Variants in FSTL5 observed in about 807,000 individuals in gnomAD.
The protein encoded by FSTL5 is follistatin like 5.
A neutral mutation model predicts 89.1 loss-of-function variants in FSTL5; 62 were observed. The ratio of observed to expected loss-of-function variants is 0.70; its 90% CI spans 0.57 to 0.86. The LOEUF (loss-of-function observed/expected upper bound fraction) is 0.86, where lower values mean the gene tolerates loss of function less well. Among genes scored for constraint, FSTL5 ranks in the 40% least tolerant of loss-of-function variants. FSTL5 has a pLI of 0.00. For missense variants in FSTL5, 1,057 were observed against 1,001.6 expected (o/e 1.06, Z -0.75); for synonymous variants, 383 against 346.2 (o/e 1.11, Z -1.18).
intron 4 of FSTL5, among the ~76,000 whole-genome samples, chr4:161,849,292 C>T (rs781151169): frequency 9.9e-5 from 15 of 152,152 alleles, no homozygotes; most frequent in Non-Finnish European, 2.1e-4. Flanking sequence ...CCTCCTTGCA[C>T]ATCCTGTGGT....
intron 3 of FSTL5, among the ~76,000 whole-genome samples, chr4:161,990,791 A>G (rs1261282395): frequency 1.3e-5 from 2 of 152,188 alleles, no homozygotes; most frequent in Non-Finnish European, 2.9e-5. Context: ...ATAGATTGAA[A>G]CAGCTCACTC....
chr4:162,124,027 T>G (rs1324607907), intron 1 of FSTL5, among the ~76,000 whole-genome samples: 1 of 152,146 alleles, frequency 6.6e-6, no homozygotes, highest in African/African-American at 2.4e-5. Flanking sequence ...TACACTAATC[T>G]AGGTAGAGTA....
chr4:161,483,149 T>A (rs908438446), intron 12 of FSTL5, among the ~76,000 whole-genome samples: 1 of 152,110 alleles, frequency 6.6e-6, no homozygotes, highest in African/African-American at 2.4e-5. Context: ...ATTCACCAAT[T>A]CCTACTGACA....
chr4:161,679,219 T>C (rs1479004488), intron 6 of FSTL5, among the ~76,000 whole-genome samples: 1 of 151,704 alleles, frequency 6.6e-6, no homozygotes, highest in African/African-American at 2.4e-5. Flanking sequence ...TGCAAAAGCA[T>C]TGGAAATTAA....
intron 8 of FSTL5, among the ~76,000 whole-genome samples, chr4:161,562,420 C>T (rs1578926893): frequency 6.6e-6 from 1 of 151,890 alleles, no homozygotes; most frequent in African/African-American, 2.4e-5. Flanking sequence ...GGGAGTATTG[C>T]CATCTTAATA....
intron 7 of FSTL5, among the ~76,000 whole-genome samples, chr4:161,621,307 A>C (rs997827774): frequency 1.9e-3 from 236 of 126,744 alleles, no homozygotes; most frequent in South Asian, 0.015. Context: ...CACACACACA[A>C]ACACAAAATT....
chr4:162,121,414 T>G lies in FSTL5; in HGVS notation c.-16-10002A>C, dbSNP rs543038304. 1.3e-4 allele frequency among the ~76,000 whole-genome samples: 20 copies of G among 152,140 alleles called. 1 individual carries two copies. The highest frequency in any genetic ancestry group is 1.0e-3 in the South Asian group (5 of 4,828). On this transcript the variant is annotated intron_variant, in intron 1 of 15. Coordinates refer to ENST00000306100, the MANE Select transcript of FSTL5 (RefSeq NM_020116.5). ...CCTGGACTGCATTGTAATATATTCA[T>G]GATTCAATAGTGAAAAGGTGCATTA... is the stretch of plus-strand genomic sequence containing the variant.
chr4:161,934,208 C>T (rs746984590), intron 3 of FSTL5, among the ~76,000 whole-genome samples: 3 of 152,094 alleles, frequency 2.0e-5, no homozygotes, highest in Non-Finnish European at 4.4e-5. Flanking sequence ...TTAACCATCA[C>T]ATTATTCTGC....
intron 4 of FSTL5, among the ~76,000 whole-genome samples, chr4:161,849,657 A>T (rs1731490615): frequency 6.6e-6 from 1 of 151,970 alleles, no homozygotes; most frequent in Non-Finnish European, 1.5e-5. Flanking sequence ...TCGACATGTG[A>T]AGATTAGATA....
chr4:161,473,158 T>C (rs946619273), intron 13 of FSTL5, among the ~76,000 whole-genome samples: 24 of 152,200 alleles, frequency 1.6e-4, no homozygotes, highest in African/African-American at 2.9e-4. Context: ...TGTATTTGTC[T>C]GTTAGATCTG....
chr4:161,482,085 C>T (rs796377849), intron 12 of FSTL5, among the ~76,000 whole-genome samples: 5 of 152,128 alleles, frequency 3.3e-5, no homozygotes, highest in African/African-American at 7.2e-5. Context: ...CTTTGGGAGG[C>T]CAAGGCAGAT....
chr4:161,660,803 C>A (rs539468589), intron 6 of FSTL5, among the ~76,000 whole-genome samples: 11 of 152,224 alleles, frequency 7.2e-5, no homozygotes, highest in South Asian at 6.2e-4. Context: ...AGAACATGAT[C>A]TTGTTCTTTT....
At chr4:162,146,901 C>T (rs150102884) in intron 1 of FSTL5, among the ~76,000 whole-genome samples, 5,690 of 152,058 alleles carry the variant, frequency 0.037, 129 homozygotes, top group Admixed American at 0.049. Context: ...CCTGCCTCAG[C>T]CTCCCAAGTA....
chr4:162,085,194 A>T (rs957169480), intron 2 of FSTL5, among the ~76,000 whole-genome samples: 1 of 152,032 alleles, frequency 6.6e-6, no homozygotes, highest in East Asian at 1.9e-4. Context: ...TATTTACTAA[A>T]ATCTTTTGAG....
intron 6 of FSTL5, among the ~76,000 whole-genome samples, chr4:161,717,838 A>G (rs1357559640): frequency 6.6e-6 from 1 of 152,210 alleles, no homozygotes; most frequent in Non-Finnish European, 1.5e-5. Context: ...AATCAATGAC[A>G]TAATATTTAC....
intron 13 of FSTL5, among the ~76,000 whole-genome samples, chr4:161,472,483 C>T (rs1230219407): frequency 6.6e-6 from 1 of 151,748 alleles, no homozygotes; most frequent in East Asian, 1.9e-4. Context: ...AAGTATTTAT[C>T]ATTCTAAATT....
chr4:162,004,771 T>C (rs929670670), intron 3 of FSTL5, among the ~76,000 whole-genome samples: 1 of 152,182 alleles, frequency 6.6e-6, no homozygotes, highest in Non-Finnish European at 1.5e-5. Context: ...TGTTACACTA[T>C]AAAATAACCT....
intron 2 of FSTL5, among the ~76,000 whole-genome samples, chr4:162,059,534 T>C (rs891365399): frequency 1.3e-5 from 2 of 152,174 alleles, no homozygotes; most frequent in Admixed American, 6.5e-5. Context: ...ATCAAAACTA[T>C]GTAATATCAT....
At chr4:161,595,570 A>G (rs558651384) in intron 7 of FSTL5, among the ~76,000 whole-genome samples, 1 of 152,246 alleles carries the variant, frequency 6.6e-6, no homozygotes, top group East Asian at 1.9e-4. Context: ...TCTGTAGCAC[A>G]TATGTAAAAT....
Sources: allele counts gnomAD v4.1 joint callset (sites outside exome capture counted in the v4.1 genomes callset), GRCh38; gene constraint gnomAD v4.1.1; transcripts MANE v1.5; gene names NCBI Gene and HGNC (gene_info 2026-07-23, HGNC 2026-07-21).